The following CCDC152 variants were observed in gnomAD, a reference collection of about 807,000 sequenced individuals.
CCDC152 encodes coiled-coil domain-containing protein 152.
In CCDC152, 37 loss-of-function variants were observed where a neutral mutation model predicts 38.1. The observed-to-expected ratio is 0.97, with a 90% CI of 0.75 to 1.28. The LOEUF (loss-of-function observed/expected upper bound fraction) is 1.28. Ranked by LOEUF, CCDC152 falls within the 50% of genes most tolerant of loss-of-function variation. CCDC152 has a pLI of 0.00. For missense variants in CCDC152, 259 were observed against 292.1 expected, an observed-to-expected ratio of 0.89 and a Z score of 0.83; for synonymous variants, 83 against 87.1, an observed-to-expected ratio of 0.95 and a Z score of 0.26.
intron 2 of CCDC152, among the ~76,000 whole-genome samples, chr5:42,761,262 A>G (rs1458847147): frequency 6.6e-6 from 1 of 152,244 alleles, no homozygotes; most frequent in East Asian, 1.9e-4. Flanking sequence ...TCTCTCAGTA[A>G]GAGACTGGTT....
At chr5:42,759,578 C>T (rs1392817071) in intron 2 of CCDC152, among the ~76,000 whole-genome samples, 1 of 152,154 alleles carries the variant, frequency 6.6e-6, no homozygotes, top group Non-Finnish European at 1.5e-5. Context: ...ATAAACAATT[C>T]ATAAATTTTA....
At chr5:42,764,043 A>G (rs1002229299) in intron 3 of CCDC152, among the ~76,000 whole-genome samples, 5 of 152,176 alleles carry the variant, frequency 3.3e-5, no homozygotes, top group Non-Finnish European at 7.4e-5. Flanking sequence ...TCACCCCACC[A>G]CTTCCCTATT....
chr5:42,760,430 C>A (rs1759537386), intron 2 of CCDC152, among the ~76,000 whole-genome samples: 1 of 151,658 alleles, frequency 6.6e-6, no homozygotes, highest in African/African-American at 2.4e-5. Context: ...ATTTCCTGTT[C>A]TATCTCTTCC....
chr5:42,795,936 T>C lies in CCDC152; in HGVS notation c.431-893T>C, dbSNP rs1000287059. 7.9e-5 allele frequency among the ~76,000 whole-genome samples: 12 copies of C among 151,712 alleles called. No individual in the cohort carries two copies. The East Asian group carries it at 1.9e-3, about 24-fold the overall frequency. The stretch of plus-strand genomic sequence containing the variant: ...TAAAAAATGATGAGTTCATGTCCTT[T>C]GTAGGGACATGGATGAAATTGGAAA... On this transcript the variant is annotated intron_variant, in intron 6 of 8. Transcript: ENST00000361970.
intron 4 of CCDC152, among the ~76,000 whole-genome samples, chr5:42,774,238 T>G (rs149699094): frequency 6.6e-6 from 1 of 152,248 alleles, no homozygotes; most frequent in African/African-American, 2.4e-5. Context: ...GATGGCTCAT[T>G]GTAGTCAAAT....
At position 42,762,532 on chromosome 5, in the gene CCDC152, G is replaced by A; in HGVS notation, c.177G>A (p.Glu59=). 1 of 1,521,356 alleles carries A rather than the reference G, an allele frequency of 6.6e-7. No individual in the cohort carries two copies. The highest frequency in any genetic ancestry group is 8.9e-7 in the Non-Finnish European group (1 of 1,120,314). The allele number at this position is 1,521,356 out of a possible 1,614,324, so 94.2% of individuals were successfully genotyped here. A position where few individuals can be genotyped will look rare whatever the true frequency, so the allele number is the denominator to read the frequency against. ...NCLLKVMQAK[E]VSIKEECATL... ...TATTAAAAGTAATGCAAGCAAAGGA[G>A]GTCTCCATTAAAGAAGGTTAGTTAT... The change falls in exon 3 of 9, where the codon GAG becomes GAA. Residue 59 remains glutamate, a synonymous_variant. Transcript: ENST00000361970.
At chr5:42,790,520 C>G (rs1455620335) in intron 6 of CCDC152, among the ~76,000 whole-genome samples, 1 of 152,072 alleles carries the variant, frequency 6.6e-6, no homozygotes, top group Non-Finnish European at 1.5e-5. Context: ...TAATTTGGGT[C>G]CTCTGCGAAA....
intron 3 of CCDC152, among the ~76,000 whole-genome samples, chr5:42,766,294 G>T (rs551941755): frequency 9.2e-5 from 14 of 152,250 alleles, no homozygotes; most frequent in African/African-American, 2.6e-4. Flanking sequence ...GGAGAGAAGG[G>T]AACCCTCGTA....
chr5:42,758,885 T>C (rs1759513731), intron 1 of CCDC152, among the ~76,000 whole-genome samples: 1 of 152,156 alleles, frequency 6.6e-6, no homozygotes, highest in African/African-American at 2.4e-5. Context: ...TTTAATGCAG[T>C]AAAGAAACAA....
At chr5:42,779,219 A>G (rs1437446468) in intron 4 of CCDC152, among the ~76,000 whole-genome samples, 1 of 152,180 alleles carries the variant, frequency 6.6e-6, no homozygotes, top group Non-Finnish European at 1.5e-5. Context: ...AAGAGCAATT[A>G]TCATAGCATA....
At position 42,797,183 on chromosome 5, in the gene CCDC152, C is replaced by A. The variant is rs190316743; in HGVS notation, c.558+227C>A. ...CCTGAAAGTGGACCCTTGAGTTGTT[C>A]GAAAGTTCCTGGTTTTTAGGGAGGA... is the stretch of plus-strand genomic sequence containing the variant. On this transcript the variant is annotated intron_variant, in intron 7 of 8. Transcript: ENST00000361970. Among the ~76,000 whole-genome samples, 9 of 152,286 alleles carry A rather than the reference C, an allele frequency of 5.9e-5. No individual in the cohort carries two copies. In the East Asian group the frequency reaches 1.7e-3, roughly 29 times the overall value.
chr5:42,770,530 A>G (rs535810791), intron 4 of CCDC152, among the ~76,000 whole-genome samples: 1 of 151,136 alleles, frequency 6.6e-6, no homozygotes, highest in South Asian at 2.1e-4. Flanking sequence ...TACTGTTCTG[A>G]TTATTGTAGC....
intron 3 of CCDC152, 38 bp downstream of exon 3, chr5:42,762,586 GA>G (rs1215446789): frequency 9.1e-7 from 1 of 1,093,456 alleles, no homozygotes; most frequent in Non-Finnish European, 1.4e-6. Context: ...TAATTCTAAT[GA>G]AAGTGTTTTT....
Position 42,800,688 on chromosome 5 carries a change from C to G in CCDC152, c.*907C>G, listed in dbSNP as rs375257526. On this transcript the variant is annotated 3_prime_UTR_variant, in exon 9 of 9. Transcript: ENST00000361970. ...TGCTGGAAATGAAATTGTGTCTAGA[C>G]TAAATTGGGGAGTATGTCCTATTTT... The G allele has an allele frequency of 1.0e-4, 158 of 1,542,700 alleles. No individual in the cohort carries two copies. Among genetic ancestry groups the G allele is most frequent in the Non-Finnish European group, 1.2e-4 (136 of 1,145,138 alleles).
At chr5:42,779,719 GT>G (rs33987951) in intron 5 of CCDC152, among the ~76,000 whole-genome samples, 197 bp downstream of exon 5, 70,445 of 148,180 alleles carry the variant, frequency 0.48, 16,643 homozygotes, top group Middle Eastern at 0.63. Context: ...AGTTTTAAGA[GT>G]TTTTTTTTTT....
chr5:42,774,169 C>G (rs886967829), intron 4 of CCDC152, among the ~76,000 whole-genome samples: 5 of 152,126 alleles, frequency 3.3e-5, no homozygotes, highest in African/African-American at 1.2e-4. Flanking sequence ...TTAACAAGAG[C>G]AGAAACCTCC....
chr5:42,798,520 A>G (rs1039754579), intron 7 of CCDC152, among the ~76,000 whole-genome samples: 2 of 152,228 alleles, frequency 1.3e-5, no homozygotes, highest in Non-Finnish European at 2.9e-5. Flanking sequence ...TGAATGGCCA[A>G]CTGAAATTAA....
chr5:42,794,396 GA>G (rs1246830955), intron 6 of CCDC152, among the ~76,000 whole-genome samples: 1 of 152,200 alleles, frequency 6.6e-6, no homozygotes, highest in East Asian at 1.9e-4. Context: ...GCTAAAAAAA[GA>G]AATCTGTTGG....
intron 6 of CCDC152, among the ~76,000 whole-genome samples, chr5:42,795,076 TAA>T (rs1046264478): frequency 2.2e-4 from 33 of 152,320 alleles, no homozygotes; most frequent in Admixed American, 4.6e-4. Context: ...CTAAATGCAT[TAA>T]GTTAAACTTG....
Sources: gnomAD v4.1 joint callset for allele counts (sites outside exome capture counted in the v4.1 genomes callset) on GRCh38, gnomAD v4.1.1 for gene constraint, MANE v1.5 for transcripts, NCBI Gene and HGNC (gene_info 2026-07-23, HGNC 2026-07-21) for gene names.